The following FERMT2 variants were observed in gnomAD, a reference collection of about 807,000 sequenced individuals.
The protein encoded by FERMT2 is fermitin family homolog 2.
Under a neutral mutation model 82.7 loss-of-function variants are expected in FERMT2, and 15 were observed. The observed-to-expected ratio is 0.18, with a 90% CI of 0.12 to 0.28. The LOEUF (loss-of-function observed/expected upper bound fraction) is 0.28. FERMT2 is among the 10% of genes least tolerant of loss of function. FERMT2 has a pLI of 1.00. For missense variants in FERMT2, 645 were observed against 809.4 expected, an observed-to-expected ratio of 0.80 and a Z score of 2.46; for synonymous variants, 274 against 271.5, an observed-to-expected ratio of 1.01 and a Z score of -0.09.
At chr14:52,859,841 G>A (rs1372938181) in intron 13 of FERMT2, 127 bp from the exon 14 acceptor site, 100 of 503,892 alleles carry the variant, frequency 2.0e-4, no homozygotes, top group Non-Finnish European at 2.6e-4. Flanking sequence ...TTTTTGAGAC[G>A]GAGTCTTGCT....
intron 9 of FERMT2, chr14:52,873,515 G>C (rs1453947209): frequency 6.5e-6 from 1 of 152,710 alleles, no homozygotes; most frequent in East Asian, 1.9e-4. Flanking sequence ...AAGGGGGAAG[G>C]AGAAAGGGTA....
intron 4 of FERMT2, among the ~76,000 whole-genome samples, chr14:52,890,608 C>CTTT (rs78933730): frequency 1.0e-4 from 14 of 140,466 alleles, no homozygotes; most frequent in African/African-American, 1.6e-4. Flanking sequence ...CTTTTATCCT[C>CTTT]TTTTTTTTTT....
chr14:52,933,575 T>C (rs1044461703), intron 2 of FERMT2, among the ~76,000 whole-genome samples: 3 of 151,572 alleles, frequency 2.0e-5, no homozygotes, highest in African/African-American at 7.3e-5. Flanking sequence ...CCGGGCATGG[T>C]GGCACATGCC....
chr14:52,941,854 T>C (rs1353816681), intron 2 of FERMT2, among the ~76,000 whole-genome samples: 4 of 152,234 alleles, frequency 2.6e-5, no homozygotes, highest in Non-Finnish European at 4.4e-5. Context: ...TTCATGGTTT[T>C]AGATTTTTCA....
chr14:52,871,083 A>C (rs1885592276), intron 10 of FERMT2, among the ~76,000 whole-genome samples: 1 of 152,166 alleles, frequency 6.6e-6, no homozygotes, highest in Non-Finnish European at 1.5e-5. Context: ...GCTATAATCA[A>C]GCAGGTGGGA....
At chr14:52,937,472 C>T (rs1158438960) in intron 2 of FERMT2, among the ~76,000 whole-genome samples, 1 of 152,152 alleles carries the variant, frequency 6.6e-6, no homozygotes, top group Non-Finnish European at 1.5e-5. Flanking sequence ...TCCACCCTGT[C>T]TCTCTTTAAA....
Position 52,878,624 on chromosome 14 carries a change from A to C in FERMT2, c.921T>G (p.Ile307Met). ...TCATCATTTCTTCTTCTGTGCATTCAATCTCTTCCAGGAGAATGGCCCATT... is the reference window on the plus strand; with the variant it reads ...TCATCATTTCTTCTTCTGTGCATTCCATCTCTTCCAGGAGAATGGCCCATT... ...QAKWAILLEE[I>M]ECTEEEMMMF... The change falls in exon 7 of 15, where the codon ATT becomes ATG. Residue 307 changes from isoleucine (I) to methionine (M), a missense_variant. Ile to Met is a conservative substitution (Grantham distance 10). Coordinates refer to ENST00000341590, the MANE Select transcript of FERMT2 (RefSeq NM_006832.3). The C allele has an allele frequency of 6.2e-7, 1 of 1,611,024 alleles. No homozygotes were observed. Among genetic ancestry groups the C allele is most frequent in the South Asian group, 1.1e-5 (1 of 90,466 alleles).
At chr14:52,859,468 G>A (rs1276945450) in intron 14 of FERMT2, 105 bp downstream of exon 14, 3 of 1,066,700 alleles carry the variant, frequency 2.8e-6, no homozygotes, top group East Asian at 5.5e-5. Context: ...TACTTTAAGA[G>A]GTGGTGGTAC....
At chr14:52,865,236 A>T (rs2140065734) in intron 10 of FERMT2, among the ~76,000 whole-genome samples, 1 of 152,270 alleles carries the variant, frequency 6.6e-6, no homozygotes, top group Non-Finnish European at 1.5e-5. Context: ...CAGGAGAATC[A>T]CTTGAACCTG....
chr14:52,917,933 C>T (rs1351553512), intron 3 of FERMT2, among the ~76,000 whole-genome samples: 2 of 152,206 alleles, frequency 1.3e-5, no homozygotes, highest in Admixed American at 1.3e-4. Context: ...ACAGGAGCAG[C>T]ATTTGCCCAC....
intron 3 of FERMT2, among the ~76,000 whole-genome samples, chr14:52,901,035 C>A (rs919549409): frequency 4.3e-5 from 6 of 138,536 alleles, no homozygotes; most frequent in African/African-American, 1.6e-4. Context: ...CCGAGGCGGG[C>A]GGATCACGAA....
intron 2 of FERMT2, among the ~76,000 whole-genome samples, chr14:52,934,685 A>G (rs1261395358): frequency 6.6e-6 from 1 of 152,234 alleles, no homozygotes; most frequent in Non-Finnish European, 1.5e-5. Flanking sequence ...AGTCTTTCAA[A>G]TGGTGAAAGC....
intron 2 of FERMT2, chr14:52,928,196 T>C (rs1288685516): frequency 8.4e-6 from 2 of 237,878 alleles, no homozygotes; most frequent in East Asian, 8.4e-5. Flanking sequence ...GTCCATAAAC[T>C]AGAAGCAAAG....
At chr14:52,904,506 G>C (rs1364891765) in intron 3 of FERMT2, among the ~76,000 whole-genome samples, 2 of 151,588 alleles carry the variant, frequency 1.3e-5, no homozygotes, top group African/African-American at 4.9e-5. Flanking sequence ...GACAGATAAA[G>C]ACTCTGTCTC....
chr14:52,910,527 T>C (rs1888257602), intron 3 of FERMT2, among the ~76,000 whole-genome samples: 1 of 152,068 alleles, frequency 6.6e-6, no homozygotes, highest in Non-Finnish European at 1.5e-5. Context: ...TTGACAACAG[T>C]CTTTCTGTCC....
chr14:52,881,074 G>A lies in FERMT2; in HGVS notation c.817C>T (p.Arg273Ter), dbSNP rs1252976692. The A allele has an allele frequency of 6.2e-7, 1 of 1,613,280 alleles. No individual in the cohort carries two copies. The highest frequency in any genetic ancestry group is 8.5e-7 in the Non-Finnish European group (1 of 1,179,704). Residue 273 changes from arginine (R) to a stop codon, truncating the protein, a stop_gained, in exon 6 of 15, where the codon CGA (arginine) becomes TGA (stop). Transcript: ENST00000341590. LOFTEE classifies it high-confidence loss of function. ...DVKENEALLLRFKYYSFFDLN... is the reference protein window; with the variant it reads ...DVKENEALLL Reference sequence around the variant, plus strand: ...TCAAAAAAGCTGTAATACTTGAATCGGAGCAGCAAGGCCTCATTTTCCTTC... The same window carrying A: ...TCAAAAAAGCTGTAATACTTGAATCAGAGCAGCAAGGCCTCATTTTCCTTC...
intron 9 of FERMT2, 76 bp downstream of exon 9, chr14:52,874,101 G>C (rs1344747426): frequency 1.1e-6 from 1 of 933,738 alleles, no homozygotes; most frequent in South Asian, 1.8e-5. Flanking sequence ...AAACTTAACA[G>C]TTAGTTTCAA....
chr14:52,919,436 A>C (rs1888814767), intron 2 of FERMT2, 80 bp from the exon 3 acceptor site: 4 of 976,004 alleles, frequency 4.1e-6, no homozygotes, highest in South Asian at 3.2e-5. Context: ...AAACTAGATA[A>C]TTGGGTATTT....
intron 4 of FERMT2, among the ~76,000 whole-genome samples, chr14:52,886,146 C>T (rs1405507884): frequency 2.0e-5 from 3 of 151,590 alleles, no homozygotes; most frequent in African/African-American, 7.3e-5. Context: ...GCAAAATAAC[C>T]GAGATACTAC....
Sources: allele counts gnomAD v4.1 joint callset (sites outside exome capture counted in the v4.1 genomes callset), GRCh38; gene constraint gnomAD v4.1.1; transcripts MANE v1.5; gene names NCBI Gene and HGNC (gene_info 2026-07-23, HGNC 2026-07-21).